Variants in MRTFA observed in about 807,000 individuals in gnomAD.
The protein encoded by MRTFA is myocardin-related transcription factor A.
Under a neutral mutation model 83.5 loss-of-function variants are expected in MRTFA, and 20 were observed. The observed-to-expected ratio is 0.24, with a 90% CI of 0.17 to 0.35. The LOEUF (loss-of-function observed/expected upper bound fraction) is 0.35. Ranked by LOEUF, MRTFA falls within the 10% of genes least tolerant of loss-of-function variation. The probability of loss-of-function intolerance (pLI) is 1.00; values close to 1 mark genes in which losing one functional copy is unlikely to be tolerated. For missense variants in MRTFA, 1,200 were observed against 1,224.7 expected (o/e 0.98, Z 0.30); for synonymous variants, 659 against 541.2 (o/e 1.22, Z -3.02).
chr22:40,418,289 G>T, intron 12 of MRTFA, 85 bp downstream of exon 12: 1 of 1,533,452 alleles, frequency 6.5e-7, no homozygotes, highest in Non-Finnish European at 8.7e-7. Flanking sequence ...CCAGCACGAG[G>T]GGTCCCCTGG....
chr22:40,562,266 A>G (rs1046537317), intron 2 of MRTFA, among the ~76,000 whole-genome samples: 1 of 151,408 alleles, frequency 6.6e-6, no homozygotes, highest in Non-Finnish European at 1.5e-5. Flanking sequence ...GGGCAGAGGA[A>G]TCCAGCTGAG....
At chr22:40,538,762 C>T (rs1415374036) in intron 3 of MRTFA, among the ~76,000 whole-genome samples, 1 of 152,062 alleles carries the variant, frequency 6.6e-6, no homozygotes, top group Admixed American at 6.6e-5. Flanking sequence ...AAATTAGTAA[C>T]ACTTCATAGA....
intron 4 of MRTFA, among the ~76,000 whole-genome samples, chr22:40,438,541 A>G (rs2147106053): frequency 6.6e-6 from 1 of 152,322 alleles, no homozygotes; most frequent in African/African-American, 2.4e-5. Context: ...GTGCACCACT[A>G]GTGGAGGACA....
At chr22:40,496,337 C>T (rs890458386) in intron 3 of MRTFA, among the ~76,000 whole-genome samples, 4 of 147,722 alleles carry the variant, frequency 2.7e-5, no homozygotes, top group Non-Finnish European at 4.5e-5. Flanking sequence ...AATTATGTAA[C>T]ACATACATAT....
intron 2 of MRTFA, among the ~76,000 whole-genome samples, chr22:40,560,010 T>C (rs2055590445): frequency 6.6e-6 from 1 of 152,184 alleles, no homozygotes; most frequent in Non-Finnish European, 1.5e-5. Context: ...AATATTTTTA[T>C]TGGGTAAATT....
At chr22:40,607,073 A>T (rs1468970158) in intron 1 of MRTFA, among the ~76,000 whole-genome samples, 2 of 152,220 alleles carry the variant, frequency 1.3e-5, no homozygotes, top group Non-Finnish European at 2.9e-5. Flanking sequence ...CACAATAGAA[A>T]ATTAGTTTCT....
intron 2 of MRTFA, among the ~76,000 whole-genome samples, chr22:40,589,168 C>A (rs2056078632): frequency 6.6e-6 from 1 of 152,064 alleles, no homozygotes. Flanking sequence ...AATCTCCCCC[C>A]AAGATTGTGA....
intron 2 of MRTFA, among the ~76,000 whole-genome samples, chr22:40,567,387 A>C (rs2055720962): frequency 6.6e-6 from 1 of 152,212 alleles, no homozygotes; most frequent in Non-Finnish European, 1.5e-5. Context: ...CTTCTCTAAG[A>C]GACTGAGTGA....
At chr22:40,534,999 G>A (rs2055143158) in intron 3 of MRTFA, among the ~76,000 whole-genome samples, 3 of 152,172 alleles carry the variant, frequency 2.0e-5, no homozygotes, top group Non-Finnish European at 4.4e-5. Flanking sequence ...GGGAGACTCA[G>A]TACAAGAGAG....
At chr22:40,547,516 G>GA (rs2055383708) in intron 3 of MRTFA, among the ~76,000 whole-genome samples, 1 of 152,086 alleles carries the variant, frequency 6.6e-6, no homozygotes, top group African/African-American at 2.4e-5. Context: ...GAAATAGCAA[G>GA]AAGTCAGTGT....
intron 1 of MRTFA, among the ~76,000 whole-genome samples, chr22:40,601,251 A>G (rs2056255844): frequency 1.3e-5 from 2 of 152,168 alleles, no homozygotes; most frequent in African/African-American, 4.8e-5. Context: ...GTCTTGCTCT[A>G]TTGTGCAGAC....
At chr22:40,493,255 C>T (rs1179478907) in intron 3 of MRTFA, among the ~76,000 whole-genome samples, 1 of 152,208 alleles carries the variant, frequency 6.6e-6, no homozygotes, top group East Asian at 1.9e-4. Flanking sequence ...GCTGACAGCA[C>T]AGCTGGAACC....
chr22:40,584,328 T>G (rs1259215216), intron 2 of MRTFA, among the ~76,000 whole-genome samples: 3 of 152,190 alleles, frequency 2.0e-5, no homozygotes, highest in Admixed American at 6.5e-5. Context: ...ACATCATGAC[T>G]CCCAAGTCAG....
At chr22:40,508,550 T>G (rs2054618134) in intron 3 of MRTFA, among the ~76,000 whole-genome samples, 1 of 150,756 alleles carries the variant, frequency 6.6e-6, no homozygotes, top group South Asian at 2.1e-4. Context: ...AGGATTCATT[T>G]AGACTCATTA....
At chr22:40,514,948 G>A (rs903709385) in intron 3 of MRTFA, among the ~76,000 whole-genome samples, 4 of 142,872 alleles carry the variant, frequency 2.8e-5, no homozygotes, top group Non-Finnish European at 4.5e-5. Context: ...TCACTCTGTC[G>A]CCCAGGCTGG....
At chr22:40,424,092 C>T (rs2052900990) in intron 8 of MRTFA, 114 bp downstream of exon 8, 3 of 1,169,344 alleles carry the variant, frequency 2.6e-6, no homozygotes, top group Admixed American at 2.8e-5. Flanking sequence ...GGGTAGCATC[C>T]CCCTGGCTTC....
At chr22:40,444,510 A>G (rs1232673753) in intron 4 of MRTFA, among the ~76,000 whole-genome samples, 1 of 152,226 alleles carries the variant, frequency 6.6e-6, no homozygotes, top group African/African-American at 2.4e-5. Flanking sequence ...ATAAGCCATA[A>G]TTAAACTTTG....
At chr22:40,439,101 C>T (rs2053225950) in intron 4 of MRTFA, among the ~76,000 whole-genome samples, 1 of 152,288 alleles carries the variant, frequency 6.6e-6, no homozygotes, top group Non-Finnish European at 1.5e-5. Context: ...AGATTATAAC[C>T]TAATTTTTTT....
intron 1 of MRTFA, among the ~76,000 whole-genome samples, chr22:40,595,125 T>TC (rs1035576673): frequency 6.8e-6 from 1 of 147,584 alleles, no homozygotes; most frequent in Non-Finnish European, 1.5e-5. Context: ...CCTTTTTTTT[T>TC]TTTTTTTTTT....
Sources: gnomAD v4.1 joint callset for allele counts (sites outside exome capture counted in the v4.1 genomes callset) on GRCh38, gnomAD v4.1.1 for gene constraint, MANE v1.5 for transcripts, NCBI Gene and HGNC (gene_info 2026-07-23, HGNC 2026-07-21) for gene names.